Variants in HTT observed in about 807,000 individuals in gnomAD.
HTT encodes huntington disease protein.
A neutral mutation model predicts 362.3 loss-of-function variants in HTT; 104 were observed. The ratio of observed to expected loss-of-function variants is 0.29; its 90% CI spans 0.24 to 0.34. HTT has a LOEUF of 0.34. Ranked by LOEUF, HTT falls within the 10% of genes least tolerant of loss-of-function variation. HTT has a pLI of 1.00. For synonymous variants in HTT, 1,577 were observed against 1,548.7 expected, an observed-to-expected ratio of 1.02 and a Z score of -0.43; for missense variants, 3,301 against 3,928.6, an observed-to-expected ratio of 0.84 and a Z score of 4.27.
intron 40 of HTT, among the ~76,000 whole-genome samples, chr4:3,193,078 G>T (rs1354842322): frequency 2.0e-5 from 3 of 152,230 alleles, no homozygotes; most frequent in Non-Finnish European, 4.4e-5. Flanking sequence ...GAAGAGTTCC[G>T]GCACCCAAGA....
At chr4:3,139,683 C>T (rs363064) in intron 21 of HTT, among the ~76,000 whole-genome samples, 35,078 of 152,056 alleles carry the variant, frequency 0.23, 5,266 homozygotes, top group East Asian at 0.39. Context: ...AAATGTTACC[C>T]GTATTCTCCA....
rs761401391 is a variant in HTT, at chr4:3,074,792, C to T, written c.-34C>T. 4 of 1,508,970 alleles carry T rather than the reference C, an allele frequency of 2.7e-6. No individual in the cohort carries two copies. Among genetic ancestry groups the T allele is most frequent in the Non-Finnish European group, 1.8e-6 (2 of 1,134,922 alleles). The allele number at this position is 1,508,970 out of a possible 1,614,324, so 93.5% of individuals were successfully genotyped here. A position where few individuals can be genotyped will look rare whatever the true frequency, so the allele number is the denominator to read the frequency against. On this transcript the variant is annotated 5_prime_UTR_variant, in exon 1 of 67. Transcript: ENST00000355072. The stretch of plus-strand genomic sequence containing the variant: ...GCGGCGCCGCGAGTCGGCCCGAGGC[C>T]TCCGGGGACTGCCGTGCCGGGCGGG...
chr4:3,135,586 T>C (rs1578526191), intron 19 of HTT, among the ~76,000 whole-genome samples: 5 of 152,152 alleles, frequency 3.3e-5, no homozygotes, highest in Admixed American at 3.3e-4. Context: ...GGCAGCAAGA[T>C]AGCAGGTTAT....
chr4:3,076,049 G>A (rs73191179), intron 1 of HTT, among the ~76,000 whole-genome samples: 11,733 of 152,164 alleles, frequency 0.077, 667 homozygotes, highest in Non-Finnish European at 0.12. Context: ...GCCAGAATAC[G>A]GGGGGTCCGC....
At chr4:3,075,194 CG>C in intron 1 of HTT, 106 bp downstream of exon 1, 1 of 1,073,944 alleles carries the variant, frequency 9.3e-7, no homozygotes, top group Non-Finnish European at 1.2e-6. Context: ...CCCCCGGCCC[CG>C]CAGAGACAGA....
At chr4:3,109,484 C>G (rs1174388361) in intron 6 of HTT, among the ~76,000 whole-genome samples, 1 of 152,164 alleles carries the variant, frequency 6.6e-6, no homozygotes, top group African/African-American at 2.4e-5. Context: ...CTCAGCCTCC[C>G]AAAGTGCTGG....
At chr4:3,168,579 T>C (rs1457962296) in intron 29 of HTT, among the ~76,000 whole-genome samples, 1 of 152,260 alleles carries the variant, frequency 6.6e-6, no homozygotes, top group African/African-American at 2.4e-5. Flanking sequence ...TTATACATAA[T>C]TGAAATGTAT....
At chr4:3,202,853 A>G (rs1320265356) in intron 41 of HTT, among the ~76,000 whole-genome samples, 1 of 152,200 alleles carries the variant, frequency 6.6e-6, no homozygotes, top group Non-Finnish European at 1.5e-5. Flanking sequence ...CTCCAGAAAA[A>G]AAAAATTTAA....
Position 3,178,309 on chromosome 4 carries a change from C to G in HTT, c.4475C>G (p.Ala1492Gly). The change falls in exon 35 of 67, where the codon GCA becomes GGA. Residue 1492 changes from alanine (A) to glycine (G), a missense_variant. By Grantham distance (60) the Ala-to-Gly change is moderately conservative (BLOSUM62 0). This residue lies in a region of HTT where 2,316 missense variants were observed against 2,658.5 expected (regional missense o/e 0.87). Transcript: ENST00000355072. ...GTTTTTGTTTTTAGGGAATCAGAGG[C>G]AATCATTCCAAACATCTTTTTCTTC... ...IEVGQFRESE[A>G]IIPNIFFFLV... The G allele has an allele frequency of 6.2e-7, 1 of 1,606,766 alleles. No homozygotes were observed. Among genetic ancestry groups the G allele is most frequent in the Non-Finnish European group, 8.5e-7 (1 of 1,173,996 alleles).
At chr4:3,235,162 G>A (rs539054979) in intron 61 of HTT, 122 bp from the exon 62 acceptor site, 1 of 705,230 alleles carries the variant, frequency 1.4e-6, no homozygotes, top group East Asian at 2.6e-5. Flanking sequence ...ACTCAGGGTA[G>A]GCGCTCCCGG....
chr4:3,182,549 C>A (rs970663240), intron 37 of HTT, 79 bp downstream of exon 37: 5 of 853,916 alleles, frequency 5.9e-6, no homozygotes, highest in Non-Finnish European at 1.0e-5. Context: ...TGGCTGGAAT[C>A]AGCTCTTCCT....
In HTT at chr4:3,139,440, C is replaced by A. The variant is rs186911908; in HGVS notation, c.2799-1070C>A. On this transcript the variant is annotated intron_variant, in intron 21 of 66. Coordinates refer to ENST00000355072, the MANE Select transcript of HTT (RefSeq NM_001388492.1). ...CTTGAACTCCTGGCCTCAAGCGGTC[C>A]CCCTGTCTCGGCCTCCCAAAGTGCT... 3.7e-4 allele frequency among the ~76,000 whole-genome samples: 56 copies of A among 152,222 alleles called. 1 individual carries two copies. In the East Asian group the frequency reaches 9.1e-3, roughly 25 times the overall value.
chr4:3,194,072 A>T (rs1719138741), intron 40 of HTT, among the ~76,000 whole-genome samples: 1 of 152,198 alleles, frequency 6.6e-6, no homozygotes, highest in Admixed American at 6.5e-5. Flanking sequence ...TCGTGTTTTT[A>T]TATAAGTAAG....
intron 11 of HTT, 35 bp from the exon 12 acceptor site, chr4:3,127,229 C>T (rs376837591): frequency 1.7e-5 from 25 of 1,498,282 alleles, no homozygotes; most frequent in Middle Eastern, 1.7e-4. Context: ...TGTTTTCTCT[C>T]GCCATTTGAC....
chr4:3,078,845 C>A (rs1227740309), intron 1 of HTT, among the ~76,000 whole-genome samples: 1 of 152,110 alleles, frequency 6.6e-6, no homozygotes, highest in Non-Finnish European at 1.5e-5. Context: ...CGCCATTCTC[C>A]TGCCTCAGTC....
intron 10 of HTT, among the ~76,000 whole-genome samples, chr4:3,124,266 C>T (rs1036057168): frequency 6.6e-6 from 1 of 152,148 alleles, no homozygotes; most frequent in Non-Finnish European, 1.5e-5. Flanking sequence ...TTTCCAGTGG[C>T]GGTGAGAACG....
In HTT at chr4:3,218,585, A is replaced by T. The variant is rs1490543832; in HGVS notation, c.7242+633A>T. On this transcript the variant is annotated intron_variant, in intron 52 of 66. Transcript: ENST00000355072. This position sits in a 1 kb window ranked among gnomAD's most constrained non-coding sequence, Gnocchi z 4.4. ...GAGGCGAAGGTTGCAGTAAGCCGAG[A>T]TCGCGCCACTGCACTCTAGCCTGGG... Among the ~76,000 whole-genome samples, 1 of 152,036 alleles carries T rather than the reference A, an allele frequency of 6.6e-6. No individual in the cohort carries two copies. Among genetic ancestry groups the T allele is most frequent in the Non-Finnish European group, 1.5e-5 (1 of 68,020 alleles).
At chr4:3,235,462 C>A (rs1164496038) in intron 62 of HTT, 64 bp downstream of exon 62, 1 of 1,499,952 alleles carries the variant, frequency 6.7e-7, no homozygotes, top group Non-Finnish European at 9.3e-7. Flanking sequence ...CTTTTCCTTG[C>A]AGGATCATAC....
intron 24 of HTT, 100 bp from the exon 25 acceptor site, chr4:3,146,697 G>A (rs1425174095): frequency 2.0e-6 from 2 of 1,007,630 alleles, no homozygotes; most frequent in East Asian, 2.4e-5. Flanking sequence ...GGTATAAAAT[G>A]TATTGTGACA....
Sources: allele counts gnomAD v4.1 joint callset (sites outside exome capture counted in the v4.1 genomes callset), GRCh38; gene constraint gnomAD v4.1.1; regional missense constraint gnomAD v4.1.1; non-coding constraint Gnocchi (gnomAD v3.1); transcripts MANE v1.5; gene names NCBI Gene and HGNC (gene_info 2026-07-23, HGNC 2026-07-21).